Variants in GOLGA3 observed in about 807,000 individuals in gnomAD.
GOLGA3 encodes golgin subfamily A member 3.
A neutral mutation model predicts 169.4 loss-of-function variants in GOLGA3; 75 were observed. The ratio of observed to expected loss-of-function variants is 0.44; its 90% CI spans 0.37 to 0.54. The LOEUF is 0.54. GOLGA3 is among the 20% of genes least tolerant of loss of function. The probability of loss-of-function intolerance (pLI) is 0.00; values close to 1 mark genes in which losing one functional copy is unlikely to be tolerated. For missense variants in GOLGA3, 1,899 were observed against 1,930.0 expected (o/e 0.98, Z 0.30); for synonymous variants, 824 against 822.4 (o/e 1.00, Z -0.03).
rs767256675 is a variant in GOLGA3, at chr12:132,786,500, C to T, written c.2962G>A (p.Ala988Thr). The change falls in exon 15 of 24, where the codon GCC (alanine) becomes ACC (threonine). Residue 988 changes from alanine to threonine, a missense_variant. Transcript: ENST00000450791. The part of the protein sequence containing the change: ...MRRLGSDLTS[A>T]QKEMKTKHKA... Reference sequence around the variant, plus strand: ...TGTTTGGTCTTCATCTCCTTCTGGGCGCTGGTCAAGTCTGAGCCCAGCCGC... The same window carrying T: ...TGTTTGGTCTTCATCTCCTTCTGGGTGCTGGTCAAGTCTGAGCCCAGCCGC... 1.4e-5 allele frequency: 23 copies of T among 1,613,524 alleles called. No homozygotes were observed. The highest frequency in any genetic ancestry group is 2.2e-5 in the South Asian group (2 of 91,056).
In GOLGA3 at chr12:132,770,642, T is replaced by G. The variant is rs1462157511; in HGVS notation, c.*2463A>C. ...CGATTTTAGATTTTTTAAAATCATT[T>G]ATTTATTTTTGAGACGGAGTCTCGC... On this transcript the variant is annotated 3_prime_UTR_variant, in exon 24 of 24. Transcript: ENST00000450791. 1.3e-5 allele frequency: 2 copies of G among 152,230 alleles called. No individual in the cohort carries two copies. Among genetic ancestry groups the G allele is most frequent in the Non-Finnish European group, 2.9e-5 (2 of 68,042 alleles). 9.4% of individuals were successfully genotyped at this position (152,230 alleles called of 1,614,324 possible).
In GOLGA3 at chr12:132,777,323, G is replaced by A. The variant is rs545268865; in HGVS notation, c.3723-233C>T. 2.8e-4 allele frequency among the ~76,000 whole-genome samples: 43 copies of A among 152,170 alleles called. No homozygotes were observed. Among genetic ancestry groups the A allele is most frequent in the African/African-American group, 8.9e-4 (37 of 41,524 alleles). On this transcript the variant is annotated intron_variant, in intron 19 of 23. Transcript: ENST00000450791. The surrounding 1 kb of genome is among the most constrained non-coding windows in gnomAD (Gnocchi z 4.7). ...ACAGATCCCAGAGACTCACTTTGCC[G>A]GCACCCCTCACAGATCCCAGAGAGT...
At chr12:132,776,830 T>G in intron 20 of GOLGA3, 74 bp from the exon 21 acceptor site, 1 of 1,576,488 alleles carries the variant, frequency 6.3e-7, no homozygotes, top group East Asian at 2.2e-5. Context: ...GCTCTAGCTG[T>G]GTTTTGGTTT....
Position 132,816,704 on chromosome 12 carries a change from G to C in GOLGA3, c.242C>G (p.Ser81Cys), listed in dbSNP as rs76213047. Residue 81 changes from serine to cysteine, a missense_variant, in exon 3 of 24, where the codon TCT (serine) becomes TGT (cysteine). By Grantham distance (112) the Ser-to-Cys change is moderately radical (BLOSUM62 -1). Transcript: ENST00000450791. ...CACTGGGCTTGTGGTGGGATCGAGA[G>C]ACGACGGAGGGTCTGGGAAGGGTGG... ...PTPPFPDPPSSLDPTTSPVGP... is the reference protein window; with the variant it reads ...PTPPFPDPPSCLDPTTSPVGP... 7,822 of 1,614,132 alleles carry C rather than the reference G, an allele frequency of 4.8e-3. 309 individuals are homozygous for C. The African/African-American group carries it at 0.089, about 18-fold the overall frequency.
Position 132,776,278 on chromosome 12 carries a change from C to T in GOLGA3, c.3978+356G>A, listed in dbSNP as rs572286394. ...TGTAGCCCCTCCAGCTCCTTCCTGCCCTGCTGCTCCCGCCTGTGCCCAGCG... is the reference window on the plus strand; with the variant it reads ...TGTAGCCCCTCCAGCTCCTTCCTGCTCTGCTGCTCCCGCCTGTGCCCAGCG... On this transcript the variant is annotated intron_variant, in intron 21 of 23. Transcript: ENST00000450791. Among the ~76,000 whole-genome samples the T allele has an allele frequency of 2.0e-5, 3 of 148,428 alleles. No individual in the cohort carries two copies. In the South Asian group the frequency reaches 6.5e-4, roughly 32 times the overall value.
At chr12:132,787,945 C>G (rs1332658634) in intron 13 of GOLGA3, among the ~76,000 whole-genome samples, 1 of 151,712 alleles carries the variant, frequency 6.6e-6, no homozygotes, top group Non-Finnish European at 1.5e-5. Flanking sequence ...TCCTCAGGAT[C>G]AACTGTGAAC....
At chr12:132,814,324 G>C (rs532207934) in intron 3 of GOLGA3, among the ~76,000 whole-genome samples, 1 of 152,258 alleles carries the variant, frequency 6.6e-6, no homozygotes, top group South Asian at 2.1e-4. Flanking sequence ...GTGCCCGGCA[G>C]CAAGTGCCTT....
At chr12:132,792,427 C>T (rs1320331306) in intron 11 of GOLGA3, among the ~76,000 whole-genome samples, 2 of 152,248 alleles carry the variant, frequency 1.3e-5, no homozygotes, top group Non-Finnish European at 2.9e-5. Flanking sequence ...TTTACAGAAC[C>T]CGGTGTTGGG....
chr12:132,817,051 C>G (rs1949988712), intron 2 of GOLGA3, among the ~76,000 whole-genome samples: 1 of 151,902 alleles, frequency 6.6e-6, no homozygotes, highest in Non-Finnish European at 1.5e-5. Flanking sequence ...GGTGAACCTG[C>G]CCTCCACACC....
intron 11 of GOLGA3, among the ~76,000 whole-genome samples, chr12:132,795,603 A>G (rs571482757): frequency 1.3e-5 from 2 of 152,332 alleles, no homozygotes; most frequent in South Asian, 4.1e-4. Context: ...TCTACTACAA[A>G]TACAAAAATT....
chr12:132,777,670 G>A lies in GOLGA3; in HGVS notation c.3718C>T (p.Leu1240Phe), dbSNP rs1566069877. 1.2e-6 allele frequency: 2 copies of A among 1,613,984 alleles called. No homozygotes were observed. Among genetic ancestry groups the A allele is most frequent in the Admixed American group, 3.3e-5 (2 of 60,014 alleles). Residue 1240 changes from leucine (L) to phenylalanine (F), a missense_variant, in exon 19 of 24, where the codon CTT becomes TTT. Physicochemically the swap from Leu to Phe is conservative, Grantham distance 22. Coordinates refer to ENST00000450791, the MANE Select transcript of GOLGA3 (RefSeq NM_001389683.1). The surrounding 1 kb of genome is among the most constrained non-coding windows in gnomAD (Gnocchi z 4.7). ...TGGCGGGGCCCAGGCACTCACTGAAGGTCGTCGGCCTCGGCCTGCAGCTTC... is the reference window on the plus strand; with the variant it reads ...TGGCGGGGCCCAGGCACTCACTGAAAGTCGTCGGCCTCGGCCTGCAGCTTC... The part of the protein sequence containing the change: ...VQKLQAEADD[L>F]QIREGKHSQE...
chr12:132,806,777 A>G (rs1429255159), intron 6 of GOLGA3, among the ~76,000 whole-genome samples: 2 of 152,262 alleles, frequency 1.3e-5, no homozygotes, highest in Non-Finnish European at 2.9e-5. Context: ...TTTCTGGCAC[A>G]TGCTAACCAA....
At chr12:132,803,286 T>C (rs1361047049) in intron 7 of GOLGA3, among the ~76,000 whole-genome samples, 1 of 152,158 alleles carries the variant, frequency 6.6e-6, no homozygotes, top group Non-Finnish European at 1.5e-5. Flanking sequence ...CACGTGTCCA[T>C]GAATACTGAG....
intron 21 of GOLGA3, among the ~76,000 whole-genome samples, chr12:132,776,210 G>A (rs1482312984): frequency 6.1e-5 from 7 of 114,544 alleles, no homozygotes; most frequent in Non-Finnish European, 9.6e-5. Context: ...TGCTGCTCCC[G>A]CCTGTGTCCA....
At chr12:132,788,128 T>C (rs1011876532) in intron 13 of GOLGA3, among the ~76,000 whole-genome samples, 3 of 151,524 alleles carry the variant, frequency 2.0e-5, no homozygotes, top group Non-Finnish European at 2.9e-5. Flanking sequence ...GGCCCTCCCC[T>C]TGGCCCACCT....
intron 2 of GOLGA3, among the ~76,000 whole-genome samples, chr12:132,820,399 G>A (rs977935954): frequency 3.3e-5 from 5 of 152,168 alleles, no homozygotes; most frequent in African/African-American, 1.2e-4. Flanking sequence ...TTAACCCAGC[G>A]TCTTGCTCGA....
At chr12:132,781,617 G>A (rs1178945897) in intron 17 of GOLGA3, among the ~76,000 whole-genome samples, 2 of 152,106 alleles carry the variant, frequency 1.3e-5, no homozygotes, top group Non-Finnish European at 2.9e-5. Context: ...ATACAAATCA[G>A]GGGCTGCAGC....
chr12:132,811,170 C>T (rs1220380930), intron 4 of GOLGA3, among the ~76,000 whole-genome samples: 1 of 152,160 alleles, frequency 6.6e-6, no homozygotes, highest in Non-Finnish European at 1.5e-5. Flanking sequence ...CATTCGGGGC[C>T]ACTACCTGTC....
chr12:132,783,681 G>A lies in GOLGA3; in HGVS notation c.3267+483C>T, dbSNP rs527550806. ...GCAACCTCCGCTCCTGGGTTCAAGCGGTTTACCTGCCTCAGCCACCCAAGT... is the reference window on the plus strand; with the variant it reads ...GCAACCTCCGCTCCTGGGTTCAAGCAGTTTACCTGCCTCAGCCACCCAAGT... On this transcript the variant is annotated intron_variant, in intron 16 of 23. Transcript: ENST00000450791. Among the ~76,000 whole-genome samples the A allele has an allele frequency of 4.6e-5, 7 of 152,270 alleles. No homozygotes were observed. In the South Asian group the frequency reaches 8.3e-4, roughly 18 times the overall value.
Sources: allele counts gnomAD v4.1 joint callset (sites outside exome capture counted in the v4.1 genomes callset), GRCh38; gene constraint gnomAD v4.1.1; non-coding constraint Gnocchi (gnomAD v3.1); transcripts MANE v1.5; gene names NCBI Gene and HGNC (gene_info 2026-07-23, HGNC 2026-07-21).